The following GPHN variants were observed in gnomAD, a reference collection of about 807,000 sequenced individuals.
GPHN encodes the protein gephyrin.
GPHN carries 17 observed loss-of-function variants against 95.5 expected under a neutral mutation model. The observed-to-expected ratio is 0.18, with a 90% CI of 0.12 to 0.27. The LOEUF is 0.27. GPHN is among the 10% of genes least tolerant of loss of function. The probability of loss-of-function intolerance (pLI) is 1.00; values close to 1 mark genes in which losing one functional copy is unlikely to be tolerated. For synonymous variants in GPHN, 320 were observed against 322.5 expected (o/e 0.99, Z 0.08); for missense variants, 660 against 978.1 (o/e 0.67, Z 4.34).
At chr14:66,957,583 G>T (rs1010002784) in intron 8 of GPHN, among the ~76,000 whole-genome samples, 7 of 152,086 alleles carry the variant, frequency 4.6e-5, no homozygotes, top group Admixed American at 3.9e-4. Context: ...TTTAAATTTT[G>T]TGAGACCTAT....
At chr14:66,749,148 G>A (rs2058274538) in intron 2 of GPHN, among the ~76,000 whole-genome samples, 1 of 151,878 alleles carries the variant, frequency 6.6e-6, no homozygotes, top group Non-Finnish European at 1.5e-5. Context: ...TTAGTAATAT[G>A]TGTTTAAGTT....
intron 2 of GPHN, among the ~76,000 whole-genome samples, chr14:66,775,662 G>A (rs1051058306): frequency 2.0e-5 from 3 of 151,946 alleles, no homozygotes; most frequent in Admixed American, 2.0e-4. Context: ...GAATGTTTCT[G>A]TCTCAATTTT....
the GPHN span, among the ~76,000 whole-genome samples, chr14:67,214,695 C>T: frequency 6.6e-6 from 1 of 151,932 alleles, no homozygotes; most frequent in South Asian, 2.1e-4. Context: ...TTTTCCAATT[C>T]TGTGAAGAAA....
chr14:66,529,144 CTTGGAGGCTTTG>C (rs1296854973), intron 1 of GPHN, among the ~76,000 whole-genome samples: 2 of 152,050 alleles, frequency 1.3e-5, no homozygotes, highest in African/African-American at 2.4e-5. Context: ...TCCCATATTT[CTTGGAGGCTTTG>C]TTTGTTCCTT....
chr14:67,137,738 C>T (rs1038386637), intron 17 of GPHN, among the ~76,000 whole-genome samples: 1 of 151,996 alleles, frequency 6.6e-6, no homozygotes, highest in African/African-American at 2.4e-5. Flanking sequence ...GCACTCCAGC[C>T]TGGGTGATAG....
intron 2 of GPHN, among the ~76,000 whole-genome samples, chr14:66,687,651 G>A (rs1315237660): frequency 5.3e-5 from 8 of 151,686 alleles, no homozygotes; most frequent in South Asian, 2.1e-4. Flanking sequence ...CACCATGCCC[G>A]GCTAATTTTG....
intron 10 of GPHN, among the ~76,000 whole-genome samples, chr14:67,037,785 A>C (rs1325166608): frequency 6.6e-6 from 1 of 151,826 alleles, no homozygotes; most frequent in Non-Finnish European, 1.5e-5. Flanking sequence ...ACTAAAAAAA[A>C]AAAAAAATAG....
At chr14:66,925,440 C>T (rs1447076767) in intron 8 of GPHN, among the ~76,000 whole-genome samples, 1 of 152,162 alleles carries the variant, frequency 6.6e-6, no homozygotes, top group African/African-American at 2.4e-5. Flanking sequence ...ACCCTCTCCA[C>T]CCTCTGGTAA....
chr14:67,106,848 C>T (rs2078069281), intron 13 of GPHN, among the ~76,000 whole-genome samples: 2 of 152,112 alleles, frequency 1.3e-5, no homozygotes, highest in South Asian at 2.1e-4. Context: ...GAGTCTGTTA[C>T]TAGAGATGTA....
intron 2 of GPHN, among the ~76,000 whole-genome samples, chr14:66,682,648 G>T (rs555853448): frequency 1.4e-4 from 21 of 152,134 alleles, no homozygotes; most frequent in Non-Finnish European, 2.5e-4. Context: ...TACTTGGGAG[G>T]CTGAGGCAGG....
chr14:66,827,659 T>C (rs930716126), intron 4 of GPHN, among the ~76,000 whole-genome samples: 3 of 152,164 alleles, frequency 2.0e-5, no homozygotes, highest in South Asian at 4.1e-4. Context: ...CTTTTTTGCA[T>C]GTAATACCAG....
the GPHN span, among the ~76,000 whole-genome samples, chr14:67,554,429 G>C: frequency 6.6e-6 from 1 of 152,166 alleles, no homozygotes; most frequent in Non-Finnish European, 1.5e-5. Context: ...GGGGCACTGG[G>C]CCTGTCCAGC....
the GPHN span, chr14:67,645,940 C>T: frequency 2.0e-6 from 2 of 998,126 alleles, no homozygotes. Context: ...CTATTATGGA[C>T]CAGGCAGTCT....
At chr14:66,988,836 T>C (rs1355977977) in intron 9 of GPHN, among the ~76,000 whole-genome samples, 1 of 152,048 alleles carries the variant, frequency 6.6e-6, no homozygotes, top group Non-Finnish European at 1.5e-5. Context: ...TACAGTAATT[T>C]ATGGCTTTCA....
chr14:67,326,243 TTTTTTTTTTTTTTTTTG>T, the GPHN span, among the ~76,000 whole-genome samples: 1 of 118,658 alleles, frequency 8.4e-6, no homozygotes, highest in African/African-American at 3.3e-5. Flanking sequence ...TTTTTTTTTT[TTTTTTTTTTTTTTTTTG>T]AGAGGAGATT....
rs921909380 is a variant in GPHN at position 66,736,451 on chromosome 14, T to G, written c.144-40013T>G. 4.7e-5 allele frequency among the ~76,000 whole-genome samples: 7 copies of G among 149,850 alleles called. No individual in the cohort carries two copies. In the East Asian group the frequency reaches 1.4e-3, roughly 29 times the overall value. The stretch of plus-strand genomic sequence containing the variant: ...TTTGCTCTTGTTGCCCGGGCTGGAG[T>G]GCAGTGGTGCAATCTCGGCTCACTG... On this transcript the variant is annotated intron_variant, in intron 2 of 22. Coordinates refer to ENST00000478722, the MANE Select transcript of GPHN (RefSeq NM_020806.5).
chr14:67,727,484 T>C, the GPHN span: 2 of 345,428 alleles, frequency 5.8e-6, no homozygotes, highest in Non-Finnish European at 1.1e-5. Context: ...TTGTTTTTTT[T>C]GTTTTTTTTT....
At chr14:66,560,584 T>C (rs1050109634) in intron 1 of GPHN, among the ~76,000 whole-genome samples, 1 of 152,234 alleles carries the variant, frequency 6.6e-6, no homozygotes, top group Non-Finnish European at 1.5e-5. Context: ...TTTTTGCACA[T>C]TGATTTTGTG....
At chr14:67,338,479 C>A in the GPHN span, 5 of 886,814 alleles carry the variant, frequency 5.6e-6, no homozygotes, top group South Asian at 2.1e-5. Flanking sequence ...AAAAGTAATC[C>A]CATAAATAGA....
Sources: gnomAD v4.1 joint callset for allele counts (sites outside exome capture counted in the v4.1 genomes callset) on GRCh38, gnomAD v4.1.1 for gene constraint, MANE v1.5 for transcripts, NCBI Gene and HGNC (gene_info 2026-07-23, HGNC 2026-07-21) for gene names.